The following RASSF9 variants were observed in gnomAD, a reference collection of about 807,000 sequenced individuals.
RASSF9 encodes the protein ras association domain-containing protein 9.
Under a neutral mutation model 21.4 loss-of-function variants are expected in RASSF9, and 18 were observed. The ratio of observed to expected loss-of-function variants is 0.84; its 90% CI spans 0.58 to 1.25. RASSF9 has a LOEUF of 1.25. Ranked by LOEUF, RASSF9 falls within the 50% of genes most tolerant of loss-of-function variation. RASSF9 has a pLI of 0.00. For synonymous variants in RASSF9, 183 were observed against 179.1 expected, an observed-to-expected ratio of 1.02 and a Z score of -0.18; for missense variants, 480 against 503.2, an observed-to-expected ratio of 0.95 and a Z score of 0.44.
chr12:85,812,771 A>G (rs956728106), intron 1 of RASSF9, among the ~76,000 whole-genome samples: 5 of 151,692 alleles, frequency 3.3e-5, no homozygotes, highest in African/African-American at 9.7e-5. Flanking sequence ...AGAATGGTGT[A>G]GTGTTTTTAG....
Position 85,804,680 on chromosome 12 carries a change from G to T in RASSF9, c.*22C>A. 1 of 1,544,286 alleles carries T rather than the reference G, an allele frequency of 6.5e-7. No individual in the cohort carries two copies. Among genetic ancestry groups the T allele is most frequent in the Non-Finnish European group, 8.8e-7 (1 of 1,142,772 alleles). ...AAACAAACATTAAAACATGAAAGCAGGTCAGAAAGGAGCCATTGGAACTAT... is the reference window on the plus strand; with the variant it reads ...AAACAAACATTAAAACATGAAAGCATGTCAGAAAGGAGCCATTGGAACTAT... On this transcript the variant is annotated 3_prime_UTR_variant, in exon 2 of 2. Transcript: ENST00000361228.
chr12:85,818,807 A>AAG (rs1267352611), intron 1 of RASSF9, among the ~76,000 whole-genome samples: 1 of 152,008 alleles, frequency 6.6e-6, no homozygotes, highest in Non-Finnish European at 1.5e-5. Flanking sequence ...AAAAACACAT[A>AAG]AATTAGCCGG....
At chr12:85,816,264 T>C (rs1360724673) in intron 1 of RASSF9, among the ~76,000 whole-genome samples, 3 of 151,570 alleles carry the variant, frequency 2.0e-5, no homozygotes, top group Non-Finnish European at 2.9e-5. Flanking sequence ...TGACAAAAGT[T>C]TACCTATGTA....
chr12:85,826,614 A>ACC (rs1225242746), intron 1 of RASSF9, among the ~76,000 whole-genome samples: 7,363 of 151,428 alleles, frequency 0.049, 377 homozygotes, highest in African/African-American at 0.13. Context: ...TGCCTGGCTA[A>ACC]TTTTTTGTAT....
At chr12:85,830,722 G>T (rs1378178683) in intron 1 of RASSF9, among the ~76,000 whole-genome samples, 1 of 152,030 alleles carries the variant, frequency 6.6e-6, no homozygotes, top group Non-Finnish European at 1.5e-5. Context: ...TACTGCCAGT[G>T]CTAAACATCT....
At position 85,805,592 on chromosome 12, in the gene RASSF9, A is replaced by G. The variant is rs1039748035; in HGVS notation, c.418T>C (p.Leu140=). The G allele has an allele frequency of 5.0e-6, 8 of 1,613,752 alleles. No homozygotes were observed. Among genetic ancestry groups the G allele is most frequent in the Non-Finnish European group, 5.9e-6 (7 of 1,179,854 alleles). The change falls in exon 2 of 2, where the codon TTG becomes CTG. Residue 140 remains leucine, a synonymous_variant. Transcript: ENST00000361228. ...EAKLVQNTEK[L]WELSPANYMK... ...TAGTTTGCTGGGCTGAGCTCCCACA[A>G]TTTTTCTGTGTTTTGCACTAATTTG...
chr12:85,826,096 T>C (rs1479606105), intron 1 of RASSF9, among the ~76,000 whole-genome samples: 1 of 152,142 alleles, frequency 6.6e-6, no homozygotes, highest in Non-Finnish European at 1.5e-5. Flanking sequence ...CCATGTCAGG[T>C]GCAATGTGTC....
At chr12:85,831,800 C>G (rs931620559) in intron 1 of RASSF9, among the ~76,000 whole-genome samples, 2 of 151,904 alleles carry the variant, frequency 1.3e-5, no homozygotes, top group African/African-American at 4.8e-5. Flanking sequence ...AACTTTTACC[C>G]TAACCACAAA....
At chr12:85,831,929 G>A (rs899320479) in intron 1 of RASSF9, among the ~76,000 whole-genome samples, 1 of 151,740 alleles carries the variant, frequency 6.6e-6, no homozygotes, top group African/African-American at 2.4e-5. Context: ...AAAGCAACCT[G>A]GAATGCAAAT....
Position 85,802,063 on chromosome 12 carries a change from GAAGGATGACC to G in RASSF9, c.*2629_*2638del, listed in dbSNP as rs1879717424. 1 of 152,156 alleles carries G rather than the reference GAAGGATGACC, an allele frequency of 6.6e-6. No individual in the cohort carries two copies. Among genetic ancestry groups the G allele is most frequent in the Non-Finnish European group, 1.5e-5 (1 of 68,032 alleles). 9.4% of individuals were successfully genotyped at this position (152,156 alleles called of 1,614,324 possible). A position where few individuals can be genotyped will look rare whatever the true frequency, so the allele number is the denominator to read the frequency against. On this transcript the variant is annotated 3_prime_UTR_variant, in exon 2 of 2. Transcript: ENST00000361228. Reference sequence around the variant, plus strand: ...AGGATAAAAAGGAGAATTCCAAGTGGAAGGATGACCAAGGATGAATCTAGGTCCTGTTACA... The same window carrying G: ...AGGATAAAAAGGAGAATTCCAAGTGGAAGGATGAATCTAGGTCCTGTTACA...
At chr12:85,819,184 A>G (rs1880153843) in intron 1 of RASSF9, among the ~76,000 whole-genome samples, 1 of 151,610 alleles carries the variant, frequency 6.6e-6, no homozygotes, top group South Asian at 2.1e-4. Context: ...TTTTTCACAT[A>G]CTAGGCAATT....
At position 85,811,156 on chromosome 12, in the gene RASSF9, G is replaced by T. The variant is rs1247559311; in HGVS notation, c.48-5194C>A. ...CTATAGTTAATCAAACTCCTGGGTT[G>T]AATGCTTTTAGGTAAGGTATAATTT... is the stretch of plus-strand genomic sequence containing the variant. On this transcript the variant is annotated intron_variant, in intron 1 of 1. Transcript: ENST00000361228. 2.0e-5 allele frequency among the ~76,000 whole-genome samples: 3 copies of T among 151,964 alleles called. No homozygotes were observed. The South Asian group carries it at 6.2e-4, about 32-fold the overall frequency.
intron 1 of RASSF9, among the ~76,000 whole-genome samples, chr12:85,812,516 G>A (rs923977067): frequency 6.6e-6 from 1 of 150,924 alleles, no homozygotes; most frequent in African/African-American, 2.4e-5. Context: ...TAGCAGGAAC[G>A]ATTGAACTTG....
intron 1 of RASSF9, among the ~76,000 whole-genome samples, chr12:85,811,092 C>T (rs1879944116): frequency 6.6e-6 from 1 of 151,902 alleles, no homozygotes; most frequent in African/African-American, 2.4e-5. Context: ...ACACTTGGAA[C>T]TCAATGCACT....
rs1484910017 is a variant in RASSF9 at position 85,805,634 on chromosome 12, A to G, written c.376T>C (p.Trp126Arg). Residue 126 changes from tryptophan (W) to arginine (R), a missense_variant, in exon 2 of 2, where the codon TGG becomes CGG. Transcript: ENST00000361228. ...KADAFLPVPL[W>R]RTAEAKLVQN... The stretch of plus-strand genomic sequence containing the variant: ...ACTAATTTGGCTTCAGCTGTCCGCC[A>G]CAAAGGAACTGGAAGAAAAGCATCT... The G allele has an allele frequency of 1.2e-6, 2 of 1,614,000 alleles. No homozygotes were observed. The highest frequency in any genetic ancestry group is 1.7e-6 in the Non-Finnish European group (2 of 1,179,890).
rs1879803400 is a variant in RASSF9, at chr12:85,805,466, T to G, written c.544A>C (p.Asn182His). ...ATCAGATGAACTAATGTCTCCATAT[T>G]ATCTCGATCATGAGAAACTGTGTCC... ...KQDTVSHDRD[N>H]METLVHLIIS... The change falls in exon 2 of 2, where the codon AAT becomes CAT. Residue 182 changes from asparagine (N) to histidine (H), a missense_variant. Transcript: ENST00000361228. 1 of 1,613,896 alleles carries G rather than the reference T, an allele frequency of 6.2e-7. No individual in the cohort carries two copies. Among genetic ancestry groups the G allele is most frequent in the Non-Finnish European group, 8.5e-7 (1 of 1,179,896 alleles).
intron 1 of RASSF9, among the ~76,000 whole-genome samples, chr12:85,810,287 G>A (rs1227202799): frequency 6.6e-6 from 1 of 151,932 alleles, no homozygotes; most frequent in Non-Finnish European, 1.5e-5. Context: ...CATGGGAAAT[G>A]TGTATGATAC....
chr12:85,826,362 G>A (rs1329992787), intron 1 of RASSF9, among the ~76,000 whole-genome samples: 1 of 151,676 alleles, frequency 6.6e-6, no homozygotes, highest in Non-Finnish European at 1.5e-5. Context: ...GGTGACTCTT[G>A]AATCATTCTT....
chr12:85,820,558 CT>C lies in RASSF9; in HGVS notation c.48-14597del, dbSNP rs538877965. 3.5e-4 allele frequency among the ~76,000 whole-genome samples: 53 copies of C among 152,138 alleles called. No homozygotes were observed. The South Asian group carries it at 0.01, about 29-fold the overall frequency. Reference sequence around the variant, plus strand: ...AAACATCTATAATGCACAAATTCAACTTTTTTTACCATATAAAATGAAAAAT... The same window carrying C: ...AAACATCTATAATGCACAAATTCAACTTTTTTACCATATAAAATGAAAAAT... On this transcript the variant is annotated intron_variant, in intron 1 of 1. Transcript: ENST00000361228.
Sources: allele counts gnomAD v4.1 joint callset (sites outside exome capture counted in the v4.1 genomes callset), GRCh38; gene constraint gnomAD v4.1.1; transcripts MANE v1.5; gene names NCBI Gene and HGNC (gene_info 2026-07-23, HGNC 2026-07-21).